Variants in KCNJ1 observed in about 807,000 individuals in gnomAD.
KCNJ1 encodes the protein ATP-sensitive inward rectifier potassium channel 1.
Under a neutral mutation model 21.9 loss-of-function variants are expected in KCNJ1, and 24 were observed. The observed-to-expected ratio is 1.10, with a 90% confidence interval of 0.79 to 1.54. The LOEUF (loss-of-function observed/expected upper bound fraction) is 1.54. Among genes scored for constraint, KCNJ1 ranks in the 40% most tolerant of loss-of-function variants. The probability of loss-of-function intolerance (pLI) is 0.00; values close to 1 mark genes in which losing one functional copy is unlikely to be tolerated. For synonymous variants in KCNJ1, 152 were observed against 160.9 expected (o/e 0.94, Z 0.42); for missense variants, 457 against 455.4 (o/e 1.00, Z -0.03).
At chr11:128,848,586 C>A (rs181307965) in intron 2 of KCNJ1, among the ~76,000 whole-genome samples, 88 of 152,142 alleles carry the variant, frequency 5.8e-4, no homozygotes, top group African/African-American at 2.0e-3. Context: ...GAAGAAAGAC[C>A]AAAAGAAGCA....
chr11:128,839,644 G>C lies in KCNJ1; in HGVS notation c.600C>G (p.Ser200Arg), dbSNP rs104894245. The change falls in exon 3 of 3, where the codon AGC (serine) becomes AGG (arginine). Residue 200 changes from serine (S) to arginine (R), a missense_variant. Coordinates refer to ENST00000392666, the MANE Select transcript of KCNJ1 (RefSeq NM_153766.3). ...CATAAATGTGACTGCCAATAAGAAG[G>C]CTCTTCCTGAGATTAGCCACTCGGA... ...LLIRVANLRK[S>R]LLIGSHIYGK... The C allele has an allele frequency of 3.1e-6, 5 of 1,613,666 alleles. No homozygotes were observed. In the South Asian group the frequency reaches 5.5e-5, roughly 18 times the overall value.
intron 2 of KCNJ1, among the ~76,000 whole-genome samples, chr11:128,842,165 T>C (rs1943293700): frequency 6.6e-6 from 1 of 152,250 alleles, no homozygotes; most frequent in South Asian, 2.1e-4. Flanking sequence ...CAGAGATGGC[T>C]CCTAACACAC....
At chr11:128,851,361 C>T (rs1161682127) in intron 1 of KCNJ1, among the ~76,000 whole-genome samples, 3 of 152,092 alleles carry the variant, frequency 2.0e-5, no homozygotes, top group East Asian at 3.8e-4. Context: ...TATAGGAATC[C>T]TATAGTGGAT....
chr11:128,853,705 C>G (rs944264258), intron 1 of KCNJ1, among the ~76,000 whole-genome samples: 8 of 152,156 alleles, frequency 5.3e-5, no homozygotes, highest in Admixed American at 3.9e-4. Flanking sequence ...ATGTAAAGTG[C>G]CTGTCACACA....
intron 1 of KCNJ1, among the ~76,000 whole-genome samples, chr11:128,861,379 G>C (rs1181546771): frequency 6.6e-6 from 1 of 152,158 alleles, no homozygotes; most frequent in Non-Finnish European, 1.5e-5. Flanking sequence ...GCATGAGCTG[G>C]GACATTTAGA....
rs1591413226 is a variant in KCNJ1 at position 128,850,760 on chromosome 11, C to T, written c.-61G>A. On this transcript the variant is annotated 5_prime_UTR_variant, in exon 2 of 3. An upstream start codon of the reference 5' UTR is lost. Coordinates refer to ENST00000392666, the MANE Select transcript of KCNJ1 (RefSeq NM_153766.3). ...GTTCAGGAGATGATTTTCAAAACTTCATGTATAAGTAGATCTTGGGGTGAC... is the reference window on the plus strand; with the variant it reads ...GTTCAGGAGATGATTTTCAAAACTTTATGTATAAGTAGATCTTGGGGTGAC... 18 of 985,290 alleles carry T rather than the reference C, an allele frequency of 1.8e-5. No individual in the cohort carries two copies. Among genetic ancestry groups the T allele is most frequent in the Admixed American group, 6.1e-5 (1 of 16,268 alleles). The allele number at this position is 985,290 out of a possible 1,614,324, so 61.0% of individuals were successfully genotyped here. A position where few individuals can be genotyped will look rare whatever the true frequency, so the allele number is the denominator to read the frequency against.
intron 1 of KCNJ1, among the ~76,000 whole-genome samples, chr11:128,855,300 A>G (rs1943568262): frequency 6.6e-6 from 1 of 151,898 alleles, no homozygotes; most frequent in African/African-American, 2.4e-5. Context: ...CCCCAACATC[A>G]TTTGAGTCCT....
intron 2 of KCNJ1, among the ~76,000 whole-genome samples, chr11:128,841,724 A>T (rs628461): frequency 0.12 from 18,750 of 152,262 alleles, 1,377 homozygotes; most frequent in South Asian, 0.3. Flanking sequence ...GCCTTAACCC[A>T]GCTGAAAACA....
chr11:128,858,587 A>G, intron 1 of KCNJ1, among the ~76,000 whole-genome samples: 1 of 152,248 alleles, frequency 6.6e-6, no homozygotes, highest in East Asian at 1.9e-4. Context: ...TCTTGAAACT[A>G]GTTCAGTTGG....
At chr11:128,849,865 GGAA>G (rs1157300822) in intron 2 of KCNJ1, among the ~76,000 whole-genome samples, 7 of 152,126 alleles carry the variant, frequency 4.6e-5, no homozygotes, top group Non-Finnish European at 8.8e-5. Flanking sequence ...GGCTCCTGTG[GGAA>G]GAGGAGGCAA....
At chr11:128,865,532 A>G (rs910516755) in intron 1 of KCNJ1, among the ~76,000 whole-genome samples, 1 of 152,236 alleles carries the variant, frequency 6.6e-6, no homozygotes, top group Non-Finnish European at 1.5e-5. Flanking sequence ...AAGAAAGACA[A>G]TAGTCATCAC....
At chr11:128,853,847 C>T (rs1943524799) in intron 1 of KCNJ1, among the ~76,000 whole-genome samples, 1 of 152,200 alleles carries the variant, frequency 6.6e-6, no homozygotes. Context: ...AAGGCACCAC[C>T]ATCAGAATGA....
At chr11:128,858,713 G>C (rs1162718957) in intron 1 of KCNJ1, among the ~76,000 whole-genome samples, 2 of 152,192 alleles carry the variant, frequency 1.3e-5, no homozygotes, top group Admixed American at 6.5e-5. Flanking sequence ...ATGTCACTCT[G>C]TGACATAGAC....
At chr11:128,853,929 T>C (rs1383619582) in intron 1 of KCNJ1, among the ~76,000 whole-genome samples, 1 of 152,240 alleles carries the variant, frequency 6.6e-6, no homozygotes, top group Non-Finnish European at 1.5e-5. Context: ...ACAGAACCTC[T>C]GCTAGTGTGG....
chr11:128,847,937 C>T (rs1209523771), intron 2 of KCNJ1, among the ~76,000 whole-genome samples: 1 of 151,774 alleles, frequency 6.6e-6, no homozygotes, highest in Non-Finnish European at 1.5e-5. Context: ...GGTGCAATCA[C>T]GGCTCACTGC....
rs1943215739 is a variant in KCNJ1, at chr11:128,838,961, C to T, written c.*164G>A. The T allele has an allele frequency of 3.1e-6, 2 of 647,734 alleles. No individual in the cohort carries two copies. Among genetic ancestry groups the T allele is most frequent in the Admixed American group, 2.5e-5 (1 of 39,600 alleles). The allele number at this position is 647,734 out of a possible 1,614,324, so 40.1% of individuals were successfully genotyped here. On this transcript the variant is annotated 3_prime_UTR_variant, in exon 3 of 3. Transcript: ENST00000392666. ...CTAATACAGTAGCCTTGTGGAGATGCATGTCTTGTGGGATCACAATTGCGG... is the reference window on the plus strand; with the variant it reads ...CTAATACAGTAGCCTTGTGGAGATGTATGTCTTGTGGGATCACAATTGCGG...
At chr11:128,863,418 G>A (rs1943754174) in intron 1 of KCNJ1, among the ~76,000 whole-genome samples, 1 of 152,188 alleles carries the variant, frequency 6.6e-6, no homozygotes, top group South Asian at 2.1e-4. Flanking sequence ...AGTTTACAAA[G>A]CATGGTAATG....
Position 128,840,175 on chromosome 11 carries a change from T to G in KCNJ1, c.69A>C (p.Leu23=). The G allele has an allele frequency of 6.2e-7, 1 of 1,614,222 alleles. No homozygotes were observed. Among genetic ancestry groups the G allele is most frequent in the Non-Finnish European group, 8.5e-7 (1 of 1,180,030 alleles). Residue 23 remains leucine (L), a synonymous_variant, in exon 3 of 3, where the codon CTA becomes CTC. Transcript: ENST00000392666. The part of the protein sequence containing the change: ...FFGHSRQRAR[L]VSKDGRCNIE... ...TGTTGCACCTTCCATCTTTGGAGAC[T>G]AGCCTTGCTCTTTGCCGAGAATGCC...
intron 1 of KCNJ1, among the ~76,000 whole-genome samples, chr11:128,862,459 G>A (rs1368935550): frequency 6.6e-6 from 1 of 152,174 alleles, no homozygotes; most frequent in African/African-American, 2.4e-5. Context: ...CTGAGGGGAT[G>A]GAGTATTGGG....
Sources: gnomAD v4.1 joint callset for allele counts (sites outside exome capture counted in the v4.1 genomes callset) on GRCh38, gnomAD v4.1.1 for gene constraint, MANE v1.5 for transcripts, NCBI Gene and HGNC (gene_info 2026-07-23, HGNC 2026-07-21) for gene names.